The following HEATR5B variants were observed in gnomAD, a reference collection of about 807,000 sequenced individuals.
The protein encoded by HEATR5B is HEAT repeat-containing protein 5B.
Under a neutral mutation model 224.1 loss-of-function variants are expected in HEATR5B, and 156 were observed. The ratio of observed to expected loss-of-function variants is 0.70; its 90% CI spans 0.61 to 0.80. The LOEUF (loss-of-function observed/expected upper bound fraction) is 0.80. Ranked by LOEUF, HEATR5B falls within the 30% of genes least tolerant of loss-of-function variation. The probability of loss-of-function intolerance (pLI) is 0.00; values close to 1 mark genes in which losing one functional copy is unlikely to be tolerated. For missense variants in HEATR5B, 2,323 were observed against 2,535.5 expected (o/e 0.92, Z 1.80); for synonymous variants, 1,027 against 893.0 (o/e 1.15, Z -2.68).
intron 26 of HEATR5B, among the ~76,000 whole-genome samples, chr2:37,018,639 A>G (rs549784899): frequency 6.6e-6 from 1 of 152,314 alleles, no homozygotes; most frequent in South Asian, 2.1e-4. Context: ...TTATTGCAGA[A>G]TCTTCTCTGC....
intron 8 of HEATR5B, among the ~76,000 whole-genome samples, chr2:37,066,678 C>A (rs1335562862): frequency 6.6e-6 from 1 of 151,948 alleles, no homozygotes; most frequent in Admixed American, 6.6e-5. Context: ...GCCCACAAAT[C>A]CCCAATACGT....
At chr2:37,070,209 T>C in intron 7 of HEATR5B, 21 bp downstream of exon 7, 1 of 1,612,514 alleles carries the variant, frequency 6.2e-7, no homozygotes, top group East Asian at 2.2e-5. Flanking sequence ...CAAAATTCTT[T>C]CACACATACG....
intron 33 of HEATR5B, among the ~76,000 whole-genome samples, chr2:36,995,199 C>T (rs1666614765): frequency 6.7e-6 from 1 of 148,824 alleles, no homozygotes; most frequent in African/African-American, 2.5e-5. Flanking sequence ...AAGCAATTCT[C>T]CTGCTTTAGC....
At chr2:37,015,909 T>G (rs1668083618) in intron 26 of HEATR5B, among the ~76,000 whole-genome samples, 1 of 151,760 alleles carries the variant, frequency 6.6e-6, no homozygotes, top group South Asian at 2.1e-4. Context: ...AAATAAAGCC[T>G]TAAAGCCAGA....
At chr2:36,988,264 TTC>T (rs1666079968) in intron 35 of HEATR5B, among the ~76,000 whole-genome samples, 2 of 151,994 alleles carry the variant, frequency 1.3e-5, no homozygotes, top group Admixed American at 6.6e-5. Flanking sequence ...CTGGTTTTTT[TTC>T]TTTTCTTTTT....
chr2:37,012,277 G>A (rs1477370535), intron 27 of HEATR5B, among the ~76,000 whole-genome samples: 1 of 151,988 alleles, frequency 6.6e-6, no homozygotes, highest in Non-Finnish European at 1.5e-5. Context: ...AATACATTTA[G>A]GTTATTTCCA....
chr2:36,996,670 C>T (rs2148355338), intron 33 of HEATR5B, among the ~76,000 whole-genome samples: 1 of 152,188 alleles, frequency 6.6e-6, no homozygotes, highest in East Asian at 1.9e-4. Flanking sequence ...CGGCTCACCG[C>T]AGCCTCTGCA....
intron 14 of HEATR5B, 47 bp downstream of exon 14, chr2:37,058,404 A>T: frequency 9.2e-7 from 1 of 1,085,826 alleles, no homozygotes; most frequent in Non-Finnish European, 1.4e-6. Flanking sequence ...TACGGTGAAG[A>T]ATTGTAAAGA....
chr2:36,997,235 A>G (rs1437186717), intron 33 of HEATR5B, among the ~76,000 whole-genome samples: 1 of 152,076 alleles, frequency 6.6e-6, no homozygotes, highest in African/African-American at 2.4e-5. Context: ...CCCAGACCAG[A>G]GTTCAGTGGC....
chr2:37,005,051 T>C (rs1484883221), intron 30 of HEATR5B, among the ~76,000 whole-genome samples: 4 of 152,166 alleles, frequency 2.6e-5, no homozygotes, highest in South Asian at 2.1e-4. Context: ...CAGGATAGGG[T>C]TCAAACTCTT....
Position 37,000,681 on chromosome 2 carries a change from G to A in HEATR5B, c.5450C>T (p.Thr1817Ile). ...AALQGIKSIVTLSMAKTEAGV... is the reference protein window; with the variant it reads ...AALQGIKSIVILSMAKTEAGV... ...AGCCTCAGTTTTGGCCATTGAAAGT[G>A]TCACAATACTTTTAATCCCTTGAAG... The change falls in exon 33 of 36, where the codon ACA (threonine) becomes ATA (isoleucine). Residue 1817 changes from threonine (T) to isoleucine (I), a missense_variant. By Grantham distance (89) the Thr-to-Ile change is moderately conservative. This residue lies in a region of HEATR5B where 844 missense variants were observed against 812.9 expected (regional missense o/e 1.04). Coordinates refer to ENST00000233099, the MANE Select transcript of HEATR5B (RefSeq NM_019024.3). 2 of 1,614,124 alleles carry A rather than the reference G, an allele frequency of 1.2e-6. No homozygotes were observed. The highest frequency in any genetic ancestry group is 1.7e-6 in the Non-Finnish European group (2 of 1,179,966).
Position 37,057,381 on chromosome 2 carries a change from T to TA in HEATR5B, c.2158dup (p.Tyr720LeufsTer2). The TA allele has an allele frequency of 6.2e-7, 1 of 1,612,740 alleles. No individual in the cohort carries two copies. The highest frequency in any genetic ancestry group is 8.5e-7 in the Non-Finnish European group (1 of 1,179,368). ...AGAACCAAGAAGAACACTATCATCA[T>TA]AATGGCAGAGGGATCTGAGGAGGGA... On this transcript the variant is annotated frameshift_variant, in exon 15 of 36. Transcript: ENST00000233099. LOFTEE classifies it high-confidence loss of function.
intron 29 of HEATR5B, among the ~76,000 whole-genome samples, chr2:37,006,761 A>C (rs1301014367): frequency 6.6e-6 from 1 of 152,256 alleles, no homozygotes; most frequent in Non-Finnish European, 1.5e-5. Context: ...AGTGCCAAGT[A>C]AAAAGAAAAC....
At chr2:37,058,782 G>C (rs1034765351) in intron 13 of HEATR5B, 106 bp downstream of exon 13, 33 of 753,214 alleles carry the variant, frequency 4.4e-5, no homozygotes, top group Non-Finnish European at 6.7e-5. Flanking sequence ...CAAAAATAAA[G>C]TTTTATGTTT....
intron 2 of HEATR5B, among the ~76,000 whole-genome samples, chr2:37,082,772 C>T (rs908404901): frequency 6.6e-6 from 1 of 152,206 alleles, no homozygotes. Flanking sequence ...GTTCCGGGGT[C>T]TCAGCTCTGA....
At chr2:37,071,310 C>G (rs567446967) in intron 6 of HEATR5B, among the ~76,000 whole-genome samples, 1 of 152,146 alleles carries the variant, frequency 6.6e-6, no homozygotes, top group Non-Finnish European at 1.5e-5. Context: ...GAGGTAGGGA[C>G]AAGACTGGGG....
At chr2:37,056,733 A>T in intron 15 of HEATR5B, 118 bp from the exon 16 acceptor site, 1 of 813,818 alleles carries the variant, frequency 1.2e-6, no homozygotes, top group East Asian at 2.9e-5. Context: ...AAAAAGAATG[A>T]TTGGATCCGA....
chr2:37,045,330 T>C (rs1400531868), intron 18 of HEATR5B, among the ~76,000 whole-genome samples: 1 of 148,926 alleles, frequency 6.7e-6, no homozygotes, highest in Non-Finnish European at 1.5e-5. Context: ...CTCCATTTAT[T>C]ATATTCCTTT....
chr2:37,041,590 TA>T (rs1288045970), intron 18 of HEATR5B, among the ~76,000 whole-genome samples: 2 of 151,894 alleles, frequency 1.3e-5, no homozygotes, highest in African/African-American at 4.8e-5. Context: ...TAAAAAAAAT[TA>T]AAAACTTAAT....
Sources: allele counts gnomAD v4.1 joint callset (sites outside exome capture counted in the v4.1 genomes callset), GRCh38; gene constraint gnomAD v4.1.1; regional missense constraint gnomAD v4.1.1; transcripts MANE v1.5; gene names NCBI Gene and HGNC (gene_info 2026-07-23, HGNC 2026-07-21).